Variants in TDRD3 observed in about 807,000 individuals in gnomAD.
TDRD3 encodes tudor domain containing 3.
A neutral mutation model predicts 86.7 loss-of-function variants in TDRD3; 45 were observed. That is an observed-to-expected ratio of 0.52 (90% CI 0.41 to 0.67). The LOEUF is 0.67. Among genes scored for constraint, TDRD3 ranks in the 30% least tolerant of loss-of-function variants. The pLI, the probability that TDRD3 is intolerant of heterozygous loss-of-function variation, is 0.00. For missense variants in TDRD3, 814 were observed against 889.0 expected, an observed-to-expected ratio of 0.92 and a Z score of 1.07; for synonymous variants, 298 against 301.7, an observed-to-expected ratio of 0.99 and a Z score of 0.13.
chr13:60,399,923 GT>G (rs148307472), intron 1 of TDRD3, among the ~76,000 whole-genome samples: 2 of 152,116 alleles, frequency 1.3e-5, no homozygotes, highest in Admixed American at 6.5e-5. Context: ...TTTAAGCGCA[GT>G]TTTTTTCCTT....
intron 12 of TDRD3, among the ~76,000 whole-genome samples, chr13:60,557,805 A>G (rs1220221051): frequency 9.6e-6 from 1 of 104,350 alleles, no homozygotes; most frequent in African/African-American, 3.3e-5. Context: ...GGCATAAAGG[A>G]TTTTTTTTTT....
chr13:60,527,874 T>G (rs1395409572), intron 10 of TDRD3, among the ~76,000 whole-genome samples: 1 of 152,170 alleles, frequency 6.6e-6, no homozygotes, highest in Non-Finnish European at 1.5e-5. Context: ...ACGTAAACAC[T>G]TAGCAATTCC....
chr13:60,397,294 G>A lies in TDRD3; in HGVS notation c.-71G>A, dbSNP rs1294260843. On this transcript the variant is annotated 5_prime_UTR_variant, in exon 1 of 14. Transcript: ENST00000377881. ...TTTCTTTTTTTTTTTTTAAGGGGGGGGGTCTCAAGTAGGAGGCCTCCCCAT... is the reference window on the plus strand; with the variant it reads ...TTTCTTTTTTTTTTTTTAAGGGGGGAGGTCTCAAGTAGGAGGCCTCCCCAT... The A allele has an allele frequency of 2.5e-6, 2 of 807,722 alleles. No individual in the cohort carries two copies. Among genetic ancestry groups the A allele is most frequent in the Non-Finnish European group, 3.6e-6 (2 of 554,622 alleles). 50.0% of individuals were successfully genotyped at this position (807,722 alleles called of 1,614,324 possible).
chr13:60,534,927 CAAAAA>C (rs75394722), intron 11 of TDRD3, among the ~76,000 whole-genome samples, 176 bp from the exon 12 acceptor site: 2 of 54,730 alleles, frequency 3.7e-5, no homozygotes, highest in Non-Finnish European at 7.4e-5. Flanking sequence ...GACCCTGTCT[CAAAAA>C]AAAAAAAAAA....
intron 13 of TDRD3, among the ~76,000 whole-genome samples, chr13:60,572,276 A>G (rs902105826): frequency 6.6e-6 from 1 of 152,186 alleles, no homozygotes; most frequent in African/African-American, 2.4e-5. Context: ...AACCAAAACA[A>G]TGGGTGTTAG....
intron 1 of TDRD3, among the ~76,000 whole-genome samples, chr13:60,433,210 T>C (rs1460929916): frequency 2.0e-5 from 3 of 152,232 alleles, no homozygotes; most frequent in African/African-American, 7.2e-5. Flanking sequence ...GCATTCATTA[T>C]TTCAATGGGT....
intron 5 of TDRD3, among the ~76,000 whole-genome samples, chr13:60,467,811 C>T (rs542739248): frequency 6.6e-6 from 1 of 152,298 alleles, no homozygotes; most frequent in East Asian, 1.9e-4. Flanking sequence ...TTCCTAGTCT[C>T]ATTAGCTAAT....
intron 2 of TDRD3, 121 bp from the exon 3 acceptor site, chr13:60,444,562 G>T: frequency 1.9e-6 from 1 of 538,530 alleles, no homozygotes; most frequent in South Asian, 3.0e-5. Flanking sequence ...TAGATCTCAT[G>T]ACCAGTTAAA....
intron 1 of TDRD3, among the ~76,000 whole-genome samples, chr13:60,408,974 T>A (rs1432561356): frequency 6.6e-6 from 1 of 152,188 alleles, no homozygotes; most frequent in Non-Finnish European, 1.5e-5. Context: ...AGTGGCTTCG[T>A]GGGCTGGGCC....
At chr13:60,510,113 G>A (rs1034000524) in intron 9 of TDRD3, among the ~76,000 whole-genome samples, 194 bp downstream of exon 9, 1 of 152,042 alleles carries the variant, frequency 6.6e-6, no homozygotes, top group South Asian at 2.1e-4. Context: ...GTACAAAATG[G>A]ATCTAACAAC....
At chr13:60,563,613 T>A (rs1169573612) in intron 12 of TDRD3, among the ~76,000 whole-genome samples, 2 of 152,180 alleles carry the variant, frequency 1.3e-5, no homozygotes, top group Admixed American at 6.5e-5. Context: ...GAATAACAAC[T>A]CCTTCCAGGG....
chr13:60,467,568 A>G (rs1955974661), intron 5 of TDRD3, among the ~76,000 whole-genome samples, 189 bp downstream of exon 5: 1 of 152,182 alleles, frequency 6.6e-6, no homozygotes, highest in Non-Finnish European at 1.5e-5. Context: ...CTTTTTCAGT[A>G]TTTGTTACAT....
intron 12 of TDRD3, among the ~76,000 whole-genome samples, chr13:60,560,939 T>C (rs1268843006): frequency 1.3e-5 from 2 of 152,148 alleles, no homozygotes; most frequent in African/African-American, 2.4e-5. Context: ...TCAATTAGCA[T>C]TTTTTTCTCT....
chr13:60,470,497 C>T (rs1020675538), intron 5 of TDRD3, among the ~76,000 whole-genome samples: 1 of 151,786 alleles, frequency 6.6e-6, no homozygotes, highest in African/African-American at 2.4e-5. Context: ...ACAGGGGTTC[C>T]AGTTTTTTAC....
chr13:60,418,150 AC>A (rs1376696884), intron 1 of TDRD3, among the ~76,000 whole-genome samples: 2 of 151,810 alleles, frequency 1.3e-5, no homozygotes, highest in Admixed American at 6.6e-5. Flanking sequence ...TTTTGCTCCT[AC>A]CTCTCCAGCA....
At position 60,529,324 on chromosome 13, in the gene TDRD3, G is replaced by A. The variant is rs1273626301; in HGVS notation, c.1992+107G>A. ...GAACTATGAGTCTTTTTCTACTATT[G>A]TACCTGTTTAAAATCTTTGAACAGA... On this transcript the variant is annotated intron_variant, in intron 11 of 13. Coordinates refer to ENST00000377881, the MANE Select transcript of TDRD3 (RefSeq NM_001146070.2). The A allele has an allele frequency of 8.8e-6, 11 of 1,246,782 alleles. No individual in the cohort carries two copies. In the East Asian group the frequency reaches 2.2e-4, roughly 25 times the overall value. The allele number at this position is 1,246,782 out of a possible 1,614,324, so 77.2% of individuals were successfully genotyped here. A position where few individuals can be genotyped will look rare whatever the true frequency, so the allele number is the denominator to read the frequency against.
chr13:60,542,880 T>G (rs1038256931), intron 12 of TDRD3, among the ~76,000 whole-genome samples: 1 of 152,224 alleles, frequency 6.6e-6, no homozygotes, highest in African/African-American at 2.4e-5. Flanking sequence ...CTACCCTTAC[T>G]ACTGATCTTA....
At chr13:60,509,087 A>C (rs1956998217) in intron 8 of TDRD3, among the ~76,000 whole-genome samples, 1 of 152,186 alleles carries the variant, frequency 6.6e-6, no homozygotes, top group South Asian at 2.1e-4. Context: ...AGATGTATAA[A>C]AGTTAAAGTT....
intron 5 of TDRD3, among the ~76,000 whole-genome samples, chr13:60,482,204 A>T (rs1956332419): frequency 6.6e-6 from 1 of 152,182 alleles, no homozygotes; most frequent in Admixed American, 6.5e-5. Context: ...CTTCTTTCTG[A>T]AACAGCCCCA....
Sources: gnomAD v4.1 joint callset for allele counts (sites outside exome capture counted in the v4.1 genomes callset) on GRCh38, gnomAD v4.1.1 for gene constraint, MANE v1.5 for transcripts, NCBI Gene and HGNC (gene_info 2026-07-23, HGNC 2026-07-21) for gene names.